SCAPER: variants seen among roughly 807,000 people sequenced by gnomAD.
SCAPER encodes S-phase cyclin A associated protein in the ER.
Under a neutral mutation model 182.2 loss-of-function variants are expected in SCAPER, and 98 were observed. The ratio of observed to expected loss-of-function variants is 0.54; its 90% confidence interval spans 0.46 to 0.64. The LOEUF (loss-of-function observed/expected upper bound fraction) is 0.64. SCAPER is among the 30% of genes least tolerant of loss of function. The probability of loss-of-function intolerance (pLI) is 0.00; values close to 1 mark genes in which losing one functional copy is unlikely to be tolerated. For missense variants in SCAPER, 1,432 were observed against 1,690.0 expected (o/e 0.85, Z 2.68); for synonymous variants, 605 against 564.6 (o/e 1.07, Z -1.01).
intron 23 of SCAPER, among the ~76,000 whole-genome samples, chr15:76,534,786 T>A (rs552055883): frequency 6.6e-6 from 1 of 152,252 alleles, no homozygotes; most frequent in South Asian, 2.1e-4. Flanking sequence ...TCAAACTCTA[T>A]TATAATTACA....
intron 20 of SCAPER, among the ~76,000 whole-genome samples, chr15:76,693,900 G>A (rs1332229369): frequency 1.3e-5 from 2 of 152,078 alleles, no homozygotes; most frequent in Non-Finnish European, 2.9e-5. Context: ...GAGTTCTGTG[G>A]ATTAACAGTG....
intron 1 of SCAPER, among the ~76,000 whole-genome samples, chr15:76,893,445 A>G (rs11072636): frequency 0.33 from 50,771 of 151,934 alleles, 8,768 homozygotes; most frequent in East Asian, 0.55. Context: ...GAAAGGAAAA[A>G]GAGACAGCAA....
chr15:76,841,445 G>C (rs1186966860), intron 5 of SCAPER, among the ~76,000 whole-genome samples: 1 of 152,026 alleles, frequency 6.6e-6, no homozygotes, highest in Non-Finnish European at 1.5e-5. Context: ...TCAGGAGTTC[G>C]AGACCAGCTT....
At chr15:76,460,173 A>AT (rs1331926395) in intron 25 of SCAPER, among the ~76,000 whole-genome samples, 2 of 151,990 alleles carry the variant, frequency 1.3e-5, no homozygotes, top group Non-Finnish European at 2.9e-5. Context: ...TAGTATAGTC[A>AT]TTTTATTACA....
chr15:76,611,968 C>A (rs1171420158), intron 22 of SCAPER, among the ~76,000 whole-genome samples: 1 of 152,132 alleles, frequency 6.6e-6, no homozygotes, highest in Non-Finnish European at 1.5e-5. Context: ...CCATCTATAA[C>A]AAACCCACAG....
At chr15:76,610,774 A>G (rs1208880120) in intron 22 of SCAPER, among the ~76,000 whole-genome samples, 1 of 152,220 alleles carries the variant, frequency 6.6e-6, no homozygotes, top group Non-Finnish European at 1.5e-5. Context: ...AAGGAAATTT[A>G]AAAAGACATA....
intron 7 of SCAPER, among the ~76,000 whole-genome samples, chr15:76,796,288 A>C (rs1480755602): frequency 2.0e-5 from 3 of 152,048 alleles, no homozygotes; most frequent in African/African-American, 7.2e-5. Flanking sequence ...TTTTCCCCAA[A>C]TTTTTATAGT....
chr15:76,604,019 T>C, intron 22 of SCAPER, among the ~76,000 whole-genome samples: 1 of 121,248 alleles, frequency 8.2e-6, no homozygotes, highest in Non-Finnish European at 2.0e-5. Context: ...GCAGAAGCTC[T>C]TTAGTTTAAT....
In SCAPER at chr15:76,600,387, ATGTGTGTGTGTGTGTGTGTG is replaced by A. The variant is rs60494575; in HGVS notation, c.2711+21357_2711+21376del. Reference sequence around the variant, plus strand: ...TAGCATACTTGGAAAGTGTGTGTATATGTGTGTGTGTGTGTGTGTGTGTGTGTGTGTGTGTGTGTGTGTAT... The same window carrying A: ...TAGCATACTTGGAAAGTGTGTGTATATGTGTGTGTGTGTGTGTGTGTGTAT... On this transcript the variant is annotated intron_variant, in intron 22 of 31. Coordinates refer to ENST00000563290, the MANE Select transcript of SCAPER (RefSeq NM_020843.4). Among the ~76,000 whole-genome samples, 18 of 88,722 alleles carry A rather than the reference ATGTGTGTGTGTGTGTGTGTG, an allele frequency of 2.0e-4. 3 individuals are homozygous for A. The highest frequency in any genetic ancestry group is 4.3e-4 in the African/African-American group (14 of 32,302). 58.2% of individuals were successfully genotyped at this position (88,722 alleles called of 152,430 possible). A position where few individuals can be genotyped will look rare whatever the true frequency, so the allele number is the denominator to read the frequency against.
chr15:76,549,221 T>G (rs111627436), intron 23 of SCAPER, among the ~76,000 whole-genome samples: 2 of 152,020 alleles, frequency 1.3e-5, no homozygotes. Context: ...GATCTAGAAC[T>G]GGAAATACCA....
Position 76,401,193 on chromosome 15 carries a change from A to G in SCAPER, c.3467+3331T>C, listed in dbSNP as rs578186747. Among the ~76,000 whole-genome samples, 32 of 152,110 alleles carry G rather than the reference A, an allele frequency of 2.1e-4. No individual in the cohort carries two copies. The South Asian group carries it at 6.6e-3, about 32-fold the overall frequency. On this transcript the variant is annotated intron_variant, in intron 27 of 31. Transcript: ENST00000563290. ...ATAACAACCCTTAGGCATGTCTAGG[A>G]CCAAACTCATATTTCCACTCTGAAG...
At chr15:76,698,333 TTAACTA>T (rs1310124827) in intron 20 of SCAPER, among the ~76,000 whole-genome samples, 1 of 152,136 alleles carries the variant, frequency 6.6e-6, no homozygotes, top group African/African-American at 2.4e-5. Context: ...ATAAATAACC[TTAACTA>T]TATGTCAAGC....
At chr15:76,561,955 G>A (rs1461793046) in intron 23 of SCAPER, among the ~76,000 whole-genome samples, 1 of 151,374 alleles carries the variant, frequency 6.6e-6, no homozygotes, top group Non-Finnish European at 1.5e-5. Flanking sequence ...AAACCCACCT[G>A]GCCAACATGG....
At chr15:76,900,177 A>G (rs1003965626) in intron 1 of SCAPER, among the ~76,000 whole-genome samples, 5 of 151,970 alleles carry the variant, frequency 3.3e-5, no homozygotes, top group South Asian at 2.1e-4. Flanking sequence ...CCCTAATCTC[A>G]AGTACCCAGG....
At chr15:76,563,651 C>G (rs1423677589) in intron 23 of SCAPER, among the ~76,000 whole-genome samples, 1 of 152,148 alleles carries the variant, frequency 6.6e-6, no homozygotes, top group Admixed American at 6.5e-5. Context: ...AGGGACTCCC[C>G]CCCAGTTCAT....
At position 76,574,257 on chromosome 15, in the gene SCAPER, T is replaced by C. The variant is rs1467232944; in HGVS notation, c.2739A>G (p.Leu913=). ...AKLQRLAKDL[L]KQVQVQDSGS... ...CACTGTCTTGAACTTGTACTTGTTT[T>C]AGAAGATCTTTGGCTAATCGCTGAA... The change falls in exon 23 of 32, where the codon CTA becomes CTG. Residue 913 remains leucine, a synonymous_variant. Transcript: ENST00000563290. The C allele has an allele frequency of 6.2e-7, 1 of 1,611,934 alleles. No homozygotes were observed. Among genetic ancestry groups the C allele is most frequent in the Admixed American group, 1.7e-5 (1 of 59,810 alleles).
At chr15:76,864,247 C>G (rs1038435655) in intron 2 of SCAPER, among the ~76,000 whole-genome samples, 2 of 152,190 alleles carry the variant, frequency 1.3e-5, no homozygotes, top group African/African-American at 4.8e-5. Flanking sequence ...CTTTGCTTGT[C>G]TGAAACTTCT....
At chr15:76,443,038 A>C (rs1017373207) in intron 25 of SCAPER, among the ~76,000 whole-genome samples, 2 of 152,190 alleles carry the variant, frequency 1.3e-5, no homozygotes, top group African/African-American at 4.8e-5. Flanking sequence ...GGGGTAAAAA[A>C]CACCACCACT....
chr15:76,903,337 G>A (rs1595980441), intron 1 of SCAPER, among the ~76,000 whole-genome samples: 1 of 152,188 alleles, frequency 6.6e-6, no homozygotes. Flanking sequence ...GAACAACCAA[G>A]TGATTAACCA....
Sources: allele counts gnomAD v4.1 joint callset (sites outside exome capture counted in the v4.1 genomes callset), GRCh38; gene constraint gnomAD v4.1.1; transcripts MANE v1.5; gene names NCBI Gene and HGNC (gene_info 2026-07-23, HGNC 2026-07-21).